Variants in TJP1 observed in about 807,000 individuals in gnomAD.
The protein encoded by TJP1 is tight junction protein 1.
TJP1 carries 43 observed loss-of-function variants against 194.2 expected under a neutral mutation model. That is an observed-to-expected ratio of 0.22 (90% CI 0.17 to 0.29). The LOEUF (loss-of-function observed/expected upper bound fraction) is 0.29, where lower values mean the gene tolerates loss of function less well. Ranked by LOEUF, TJP1 falls within the 10% of genes least tolerant of loss-of-function variation. The pLI is 1.00. For synonymous variants in TJP1, 801 were observed against 779.0 expected (o/e 1.03, Z -0.47); for missense variants, 1,971 against 2,185.7 (o/e 0.90, Z 1.96).
chr15:29,791,225 C>T (rs2151813803), intron 2 of TJP1, among the ~76,000 whole-genome samples: 1 of 151,722 alleles, frequency 6.6e-6, no homozygotes, highest in African/African-American at 2.4e-5. Flanking sequence ...CGGGATTTCT[C>T]CATTTTGGTC....
At chr15:29,916,297 A>G (rs1279373738) in intron 2 of TJP1, among the ~76,000 whole-genome samples, 3 of 151,658 alleles carry the variant, frequency 2.0e-5, no homozygotes, top group African/African-American at 4.8e-5. Context: ...AAATATCAAT[A>G]TATTAGTATA....
intron 15 of TJP1, among the ~76,000 whole-genome samples, chr15:29,730,119 T>C (rs934535684): frequency 3.3e-5 from 5 of 151,448 alleles, no homozygotes; most frequent in Non-Finnish European, 5.9e-5. Context: ...AAAAGAAAAA[T>C]TGGATATAAA....
intron 2 of TJP1, among the ~76,000 whole-genome samples, chr15:29,796,340 T>TA (rs535486616): frequency 0.021 from 1,722 of 83,032 alleles, 14 homozygotes; most frequent in Admixed American, 0.041. Context: ...AAGGTTGCTA[T>TA]AAAAAAAAAA....
chr15:29,813,687 G>A (rs1376286882), intron 1 of TJP1, among the ~76,000 whole-genome samples: 1 of 152,132 alleles, frequency 6.6e-6, no homozygotes, highest in African/African-American at 2.4e-5. Context: ...CAAGATACAT[G>A]CAATCTTTGA....
At chr15:29,721,799 G>C (rs1190549106) in intron 18 of TJP1, among the ~76,000 whole-genome samples, 1 of 152,216 alleles carries the variant, frequency 6.6e-6, no homozygotes, top group East Asian at 1.9e-4. Context: ...GTCTCAGACA[G>C]AGATGAAGAA....
chr15:29,804,897 G>A (rs1567063096), intron 1 of TJP1, among the ~76,000 whole-genome samples: 1 of 152,118 alleles, frequency 6.6e-6, no homozygotes. Flanking sequence ...AACTAGACCA[G>A]GCATAAGGAG....
intron 8 of TJP1, 63 bp from the exon 9 acceptor site, chr15:29,742,844 G>C (rs936219465): frequency 2.0e-6 from 3 of 1,468,972 alleles, no homozygotes; most frequent in African/African-American, 1.4e-5. Flanking sequence ...ATCTGTAAGA[G>C]AACAGTATAA....
intron 2 of TJP1, among the ~76,000 whole-genome samples, chr15:29,953,511 C>A (rs927453530): frequency 6.6e-6 from 1 of 151,476 alleles, no homozygotes; most frequent in Non-Finnish European, 1.5e-5. Context: ...GCTATATGCC[C>A]CTACATATTT....
At chr15:29,797,777 T>C (rs1263815336) in intron 2 of TJP1, among the ~76,000 whole-genome samples, 2 of 152,126 alleles carry the variant, frequency 1.3e-5, no homozygotes, top group Non-Finnish European at 1.5e-5. Context: ...AGCTTAAAAA[T>C]GGGCAACAGT....
At chr15:29,893,882 T>C (rs1265026425) in intron 2 of TJP1, among the ~76,000 whole-genome samples, 1 of 152,130 alleles carries the variant, frequency 6.6e-6, no homozygotes, top group East Asian at 1.9e-4. Context: ...TCTGAAGTAA[T>C]AGGTTTATAC....
intron 1 of TJP1, among the ~76,000 whole-genome samples, chr15:29,819,231 T>A (rs1356279519): frequency 7.3e-4 from 111 of 152,318 alleles, no homozygotes; most frequent in Non-Finnish European, 1.2e-4. Flanking sequence ...AAAACATTTT[T>A]AAAAAATGGA....
chr15:29,709,601 A>T (rs2042115597), intron 24 of TJP1, among the ~76,000 whole-genome samples: 1 of 152,224 alleles, frequency 6.6e-6, no homozygotes, highest in Non-Finnish European at 1.5e-5. Flanking sequence ...AATTTTCCAC[A>T]GTACGAGAAG....
chr15:29,782,625 A>AT (rs1567017774), intron 2 of TJP1, among the ~76,000 whole-genome samples: 1 of 152,194 alleles, frequency 6.6e-6, no homozygotes, highest in African/African-American at 2.4e-5. Context: ...CATTCTGGAC[A>AT]TAGGAACTGG....
chr15:29,711,095 A>G (rs747895676), intron 23 of TJP1, 95 bp from the exon 24 acceptor site: 4 of 1,407,654 alleles, frequency 2.8e-6, no homozygotes, highest in South Asian at 3.2e-5. Flanking sequence ...GTTAAAAAAA[A>G]AAACTAGAAA....
intron 2 of TJP1, among the ~76,000 whole-genome samples, chr15:29,949,661 TCCACAA>T (rs2055544954): frequency 6.2e-5 from 3 of 48,132 alleles, no homozygotes; most frequent in Non-Finnish European, 8.5e-5. Flanking sequence ...CACCTCCACC[TCCACAA>T]CCACCACCTC....
chr15:29,957,434 G>C (rs1425915778), intron 1 of TJP1, among the ~76,000 whole-genome samples: 2 of 152,112 alleles, frequency 1.3e-5, no homozygotes, highest in African/African-American at 4.8e-5. Flanking sequence ...ACAGTTGTTT[G>C]TATTGTATAA....
At chr15:29,773,701 T>C (rs2046834499) in intron 2 of TJP1, among the ~76,000 whole-genome samples, 1 of 152,256 alleles carries the variant, frequency 6.6e-6, no homozygotes, top group African/African-American at 2.4e-5. Context: ...TCAGCCATCC[T>C]GGCAACTGAT....
At chr15:29,780,159 C>T (rs2047271700) in intron 2 of TJP1, among the ~76,000 whole-genome samples, 3 of 152,004 alleles carry the variant, frequency 2.0e-5, no homozygotes, top group Admixed American at 2.0e-4. Flanking sequence ...CGGGACAATC[C>T]AAGTACATTA....
At chr15:29,820,906 A>C (rs1396955991) in intron 1 of TJP1, among the ~76,000 whole-genome samples, 1 of 152,208 alleles carries the variant, frequency 6.6e-6, no homozygotes, top group Non-Finnish European at 1.5e-5. Flanking sequence ...GCCAGCAAAC[A>C]AGCTTCTGTG....
Sources: allele counts gnomAD v4.1 joint callset (sites outside exome capture counted in the v4.1 genomes callset), GRCh38; gene constraint gnomAD v4.1.1; transcripts MANE v1.5; gene names NCBI Gene and HGNC (gene_info 2026-07-23, HGNC 2026-07-21).